Variants in STXBP5L observed in about 807,000 individuals in gnomAD.
The protein encoded by STXBP5L is syntaxin-binding protein 5-like.
In STXBP5L, 65 loss-of-function variants were observed where a neutral mutation model predicts 144.5. The observed-to-expected ratio is 0.45, with a 90% CI of 0.37 to 0.55. The LOEUF (loss-of-function observed/expected upper bound fraction) is 0.55, where lower values mean the gene tolerates loss of function less well. Among genes scored for constraint, STXBP5L ranks in the 20% least tolerant of loss-of-function variants. The pLI is 0.00. For synonymous variants in STXBP5L, 505 were observed against 469.6 expected (o/e 1.08, Z -0.97); for missense variants, 1,298 against 1,405.5 (o/e 0.92, Z 1.22).
intron 3 of STXBP5L, among the ~76,000 whole-genome samples, chr3:120,973,065 A>G (rs1335260816): frequency 6.6e-6 from 1 of 152,114 alleles, no homozygotes; most frequent in Non-Finnish European, 1.5e-5. Context: ...TGGCTTTGGT[A>G]TCAAAATGAT....
chr3:121,060,121 C>A (rs973377748), intron 5 of STXBP5L, among the ~76,000 whole-genome samples: 1 of 152,028 alleles, frequency 6.6e-6, no homozygotes, highest in African/African-American at 2.4e-5. Context: ...TCATAAATAG[C>A]TCTTATTATT....
At chr3:121,366,185 G>A (rs185815667) in intron 20 of STXBP5L, among the ~76,000 whole-genome samples, 98 of 151,880 alleles carry the variant, frequency 6.5e-4, no homozygotes, top group Admixed American at 2.6e-3. Context: ...CTTACATATG[G>A]CCTATCCTGG....
intron 3 of STXBP5L, among the ~76,000 whole-genome samples, chr3:121,008,655 G>A (rs1249435630): frequency 1.3e-5 from 2 of 151,926 alleles, no homozygotes. Flanking sequence ...GGCTATTCCA[G>A]CACACTCTTA....
chr3:120,957,097 ACTGGCACC>A (rs1938118092), intron 3 of STXBP5L, among the ~76,000 whole-genome samples: 1 of 151,946 alleles, frequency 6.6e-6, no homozygotes. Flanking sequence ...ATTGAATGGT[ACTGGCACC>A]CTTGTCAAAA....
At chr3:121,105,926 T>C (rs1427149862) in intron 5 of STXBP5L, among the ~76,000 whole-genome samples, 2 of 152,140 alleles carry the variant, frequency 1.3e-5, no homozygotes. Flanking sequence ...TTATTTTGTT[T>C]TTATACCTAA....
At chr3:121,336,103 G>C (rs1374495030) in intron 20 of STXBP5L, among the ~76,000 whole-genome samples, 2 of 152,132 alleles carry the variant, frequency 1.3e-5, no homozygotes, top group African/African-American at 4.8e-5. Context: ...TGTGGTTAAA[G>C]GATATGAATA....
intron 7 of STXBP5L, among the ~76,000 whole-genome samples, chr3:121,123,837 A>G (rs1284990248): frequency 6.6e-6 from 1 of 151,752 alleles, no homozygotes; most frequent in African/African-American, 2.4e-5. Context: ...CAGTTTTTCC[A>G]TCAATAGTCT....
In STXBP5L at chr3:121,407,394, ATCT is replaced by A; in HGVS notation, c.2743_2745del (p.Ser915del). ...GGAGAAGGAAAGTGGTAATGAACTCATCTTCTGCATCCCAAGAAATAGGAGATC... is the reference window on the plus strand; with the variant it reads ...GGAGAAGGAAAGTGGTAATGAACTCATCTGCATCCCAAGAAATAGGAGATC... On this transcript the variant is annotated inframe_deletion, in exon 23 of 27. Coordinates refer to ENST00000471454, the MANE Select transcript of STXBP5L (RefSeq NM_001308330.2). 6.2e-7 allele frequency: 1 copy of A among 1,613,124 alleles called. No homozygotes were observed. Among genetic ancestry groups the A allele is most frequent in the Non-Finnish European group, 8.5e-7 (1 of 1,179,394 alleles).
At chr3:121,173,386 C>T (rs147770770) in intron 9 of STXBP5L, among the ~76,000 whole-genome samples, 176 of 151,088 alleles carry the variant, frequency 1.2e-3, no homozygotes, top group African/African-American at 4.2e-3. Flanking sequence ...TCAGTAACAA[C>T]AAAAAATGCT....
At chr3:121,096,369 C>T (rs997538076) in intron 5 of STXBP5L, among the ~76,000 whole-genome samples, 3 of 152,164 alleles carry the variant, frequency 2.0e-5, no homozygotes, top group African/African-American at 7.2e-5. Flanking sequence ...GTTAATCAAA[C>T]TCATTCTCCA....
At chr3:121,095,530 T>C (rs983578165) in intron 5 of STXBP5L, among the ~76,000 whole-genome samples, 2 of 152,228 alleles carry the variant, frequency 1.3e-5, no homozygotes, top group African/African-American at 2.4e-5. Flanking sequence ...CTTCATTTCA[T>C]TCATTTGGTC....
At chr3:121,343,693 G>A (rs1336915843) in intron 20 of STXBP5L, among the ~76,000 whole-genome samples, 1 of 152,110 alleles carries the variant, frequency 6.6e-6, no homozygotes, top group Non-Finnish European at 1.5e-5. Context: ...ACTTACAAGG[G>A]ACGTGAAGGA....
intron 21 of STXBP5L, among the ~76,000 whole-genome samples, chr3:121,379,615 A>T (rs2046277606): frequency 1.3e-5 from 2 of 152,246 alleles, no homozygotes; most frequent in East Asian, 1.9e-4. Flanking sequence ...CTTCAAATTT[A>T]AAAAAATTAT....
chr3:121,412,940 G>C (rs372758576), intron 23 of STXBP5L, among the ~76,000 whole-genome samples: 2 of 151,628 alleles, frequency 1.3e-5, no homozygotes, highest in Non-Finnish European at 2.9e-5. Flanking sequence ...AGGCTGAGGC[G>C]TGAGAATCAC....
rs1171159038 is a variant in STXBP5L, at chr3:120,954,994, C to T, written c.244C>T (p.Gln82Ter). ...QPTALAFDPV[Q>*]KILAIGTRTG... ...CACAGCATTAGCCTTTGATCCAGTT[C>T]AGAAAATCTTGGCTATTGGGACGAG... is the stretch of plus-strand genomic sequence containing the variant. Residue 82 changes from glutamine to a stop codon, truncating the protein, a stop_gained, in exon 3 of 27, where the codon CAG becomes TAG. Coordinates refer to ENST00000471454, the MANE Select transcript of STXBP5L (RefSeq NM_001308330.2). LOFTEE classifies it high-confidence loss of function. The T allele has an allele frequency of 6.2e-7, 1 of 1,612,656 alleles. No homozygotes were observed.
chr3:121,363,353 C>G (rs1392910321), intron 20 of STXBP5L, among the ~76,000 whole-genome samples: 2 of 152,228 alleles, frequency 1.3e-5, no homozygotes, highest in Non-Finnish European at 2.9e-5. Flanking sequence ...ATGCCCTACA[C>G]TGTCTTTCAA....
chr3:121,348,936 G>GT (rs1273709735), intron 20 of STXBP5L, among the ~76,000 whole-genome samples: 19 of 151,948 alleles, frequency 1.3e-4, no homozygotes, highest in Non-Finnish European at 2.5e-4. Context: ...TTTTTGAAGG[G>GT]TTTTTTGTGT....
intron 3 of STXBP5L, among the ~76,000 whole-genome samples, chr3:121,021,244 A>C (rs1945529026): frequency 6.6e-6 from 1 of 152,168 alleles, no homozygotes; most frequent in African/African-American, 2.4e-5. Flanking sequence ...GGCAACCCAC[A>C]CTGGAGCTCC....
intron 14 of STXBP5L, among the ~76,000 whole-genome samples, chr3:121,249,242 G>T (rs533333899): frequency 6.6e-6 from 1 of 151,858 alleles, no homozygotes; most frequent in Non-Finnish European, 1.5e-5. Context: ...CCATCAGTTT[G>T]TTTATTTCTA....
Sources: gnomAD v4.1 joint callset for allele counts (sites outside exome capture counted in the v4.1 genomes callset) on GRCh38, gnomAD v4.1.1 for gene constraint, MANE v1.5 for transcripts, NCBI Gene and HGNC (gene_info 2026-07-23, HGNC 2026-07-21) for gene names.